Variants in CDH12 observed in about 807,000 individuals in gnomAD.
CDH12 encodes cadherin 12.
A neutral mutation model predicts 74.1 loss-of-function variants in CDH12; 41 were observed. That is an observed-to-expected ratio of 0.55 (90% confidence interval 0.43 to 0.72). The LOEUF (loss-of-function observed/expected upper bound fraction) is 0.72, where lower values mean the gene tolerates loss of function less well. Among genes scored for constraint, CDH12 ranks in the 30% least tolerant of loss-of-function variants. CDH12 has a pLI of 0.00. For synonymous variants in CDH12, 399 were observed against 355.0 expected (o/e 1.12, Z -1.39); for missense variants, 945 against 977.2 (o/e 0.97, Z 0.44).
intron 1 of CDH12, among the ~76,000 whole-genome samples, chr5:22,649,391 T>C (rs1052767748): frequency 6.6e-6 from 1 of 152,012 alleles, no homozygotes; most frequent in Non-Finnish European, 1.5e-5. Context: ...AGGCCATATT[T>C]CTTTCTATGC....
At chr5:22,554,729 C>A (rs1738725489) in intron 1 of CDH12, among the ~76,000 whole-genome samples, 1 of 152,046 alleles carries the variant, frequency 6.6e-6, no homozygotes, top group South Asian at 2.1e-4. Context: ...AAGTGACTTA[C>A]TATCACTACT....
intron 5 of CDH12, among the ~76,000 whole-genome samples, chr5:22,060,454 C>T (rs1741115940): frequency 6.6e-6 from 1 of 151,978 alleles, no homozygotes; most frequent in Admixed American, 6.6e-5. Flanking sequence ...CCTACACGTT[C>T]AGCACATGTA....
intron 6 of CDH12, among the ~76,000 whole-genome samples, chr5:21,955,114 T>G (rs1376384139): frequency 6.6e-6 from 1 of 152,058 alleles, no homozygotes; most frequent in Non-Finnish European, 1.5e-5. Context: ...GCGTTTGATT[T>G]TTTTTACATA....
At chr5:22,060,402 G>T (rs1741110242) in intron 5 of CDH12, among the ~76,000 whole-genome samples, 1 of 151,992 alleles carries the variant, frequency 6.6e-6, no homozygotes, top group Non-Finnish European at 1.5e-5. Context: ...GGATTGAGAG[G>T]TGCAGCAAAC....
chr5:22,112,093 A>ATTTG (rs10632776), intron 4 of CDH12, among the ~76,000 whole-genome samples: 72,379 of 151,346 alleles, frequency 0.48, 17,501 homozygotes, highest in Middle Eastern at 0.51. Context: ...CTGCTCTGCT[A>ATTTG]TTTGTTTTTC....
rs70957081 is a variant in CDH12 at position 21,942,347 on chromosome 5, TACACACACACACACAC to T, written c.526+32728_526+32743del. On this transcript the variant is annotated intron_variant, in intron 6 of 14. Transcript: ENST00000382254. Reference sequence around the variant, plus strand: ...GAGACAAATACAGTATATATATATATACACACACACACACACACACACACACACACACACACACACA... The same window carrying T: ...GAGACAAATACAGTATATATATATATACACACACACACACACACACACACA... Among the ~76,000 whole-genome samples, 844 of 129,672 alleles carry T rather than the reference TACACACACACACACAC, an allele frequency of 6.5e-3. 8 individuals are homozygous for T. The highest frequency in any genetic ancestry group is 8.5e-3 in the Non-Finnish European group (532 of 62,744). The allele number at this position is 129,672 out of a possible 152,430, so 85.1% of individuals were successfully genotyped here. A position where few individuals can be genotyped will look rare whatever the true frequency, so the allele number is the denominator to read the frequency against.
chr5:22,017,583 TA>T (rs1737680564), intron 5 of CDH12, among the ~76,000 whole-genome samples: 1 of 152,094 alleles, frequency 6.6e-6, no homozygotes, highest in Non-Finnish European at 1.5e-5. Flanking sequence ...GACGAAATCA[TA>T]AAGAGACTAA....
chr5:22,610,798 T>A (rs919976619), intron 1 of CDH12, among the ~76,000 whole-genome samples: 1 of 152,110 alleles, frequency 6.6e-6, no homozygotes, highest in Non-Finnish European at 1.5e-5. Context: ...TCCTTCAATA[T>A]TAAAGAAGAT....
rs1278762713 is a variant in CDH12 at position 21,850,981 on chromosome 5, A to G, written c.646+3690T>C. Among the ~76,000 whole-genome samples, 8 of 151,358 alleles carry G rather than the reference A, an allele frequency of 5.3e-5. No homozygotes were observed. The Admixed American group carries it at 5.3e-4, about 10-fold the overall frequency. The stretch of plus-strand genomic sequence containing the variant: ...GTGTAATGGTTTGACAAAAGTGTAA[A>G]CATACTTAATGCAACTGAATTGTAC... On this transcript the variant is annotated intron_variant, in intron 7 of 14. Transcript: ENST00000382254.
At position 22,714,061 on chromosome 5, in the gene CDH12, CCTCA is replaced by C. The variant is rs530085109; in HGVS notation, c.-523+138993_-523+138996del. 1.6e-3 allele frequency among the ~76,000 whole-genome samples: 240 copies of C among 152,278 alleles called. 2 individuals are homozygous for C. Among genetic ancestry groups the C allele is most frequent in the African/African-American group, 5.4e-3 (223 of 41,554 alleles). ...CTCTTTTATTTTTACTCCTCAATCA[CCTCA>C]CTAACAACTTATAATTTTATATTAC... On this transcript the variant is annotated intron_variant, in intron 1 of 14. Transcript: ENST00000382254.
intron 2 of CDH12, among the ~76,000 whole-genome samples, chr5:22,455,047 G>A (rs377336227): frequency 1.6e-4 from 24 of 152,250 alleles, no homozygotes; most frequent in East Asian, 3.9e-4. Context: ...GTGAGGATAT[G>A]GAAACTTTTG....
In CDH12 at chr5:21,886,932, C is replaced by T. The variant is rs767591417; in HGVS notation, c.527-32142G>A. The stretch of plus-strand genomic sequence containing the variant: ...GAAGCAGTTGGCTATGACTTGGGGC[C>T]GTGAGAGTCATGGAGACAATAGTCT... On this transcript the variant is annotated intron_variant, in intron 6 of 14. Transcript: ENST00000382254. 3.0e-4 allele frequency among the ~76,000 whole-genome samples: 45 copies of T among 152,036 alleles called. 1 individual carries two copies. The highest frequency in any genetic ancestry group is 4.0e-4 in the Non-Finnish European group (27 of 68,014).
intron 2 of CDH12, among the ~76,000 whole-genome samples, chr5:22,408,618 T>G (rs914198664): frequency 4.7e-5 from 7 of 150,364 alleles, no homozygotes; most frequent in African/African-American, 1.7e-4. Context: ...TAATTGTAAA[T>G]TACATATATA....
chr5:22,189,549 C>A (rs1750145905), intron 4 of CDH12, among the ~76,000 whole-genome samples: 1 of 151,740 alleles, frequency 6.6e-6, no homozygotes, highest in South Asian at 2.1e-4. Context: ...TTATACTTAA[C>A]ATAAGTAGAT....
At chr5:22,685,585 C>T (rs1741742689) in intron 1 of CDH12, among the ~76,000 whole-genome samples, 1 of 152,166 alleles carries the variant, frequency 6.6e-6, no homozygotes, top group Non-Finnish European at 1.5e-5. Context: ...TACTGAGCAA[C>T]CATTAATTTG....
intron 6 of CDH12, among the ~76,000 whole-genome samples, chr5:21,951,066 C>A (rs1327317327): frequency 1.3e-5 from 2 of 151,688 alleles, no homozygotes; most frequent in African/African-American, 4.8e-5. Context: ...GGATTACAGG[C>A]ATGAGCCAGG....
intron 8 of CDH12, among the ~76,000 whole-genome samples, chr5:21,826,629 C>A (rs1339472567): frequency 1.3e-5 from 2 of 152,124 alleles, no homozygotes; most frequent in Admixed American, 1.3e-4. Context: ...GGTAAAAACT[C>A]ATTGTCTTCT....
At chr5:21,816,900 T>C (rs1748083292) in intron 9 of CDH12, 45 bp downstream of exon 9, 2 of 1,196,044 alleles carry the variant, frequency 1.7e-6, no homozygotes, top group South Asian at 3.3e-5. Context: ...TTATCTTCTT[T>C]AATTATTATT....
chr5:22,342,294 C>T (rs1040390180), intron 3 of CDH12, among the ~76,000 whole-genome samples: 8 of 152,144 alleles, frequency 5.3e-5, no homozygotes, highest in Non-Finnish European at 1.0e-4. Context: ...GGAAAGTGTT[C>T]TCAATACTGT....
Sources: allele counts gnomAD v4.1 joint callset (sites outside exome capture counted in the v4.1 genomes callset), GRCh38; gene constraint gnomAD v4.1.1; transcripts MANE v1.5; gene names NCBI Gene and HGNC (gene_info 2026-07-23, HGNC 2026-07-21).